The following CCND3 variants were observed in gnomAD, a reference collection of about 807,000 sequenced individuals.
CCND3 encodes G1/S-specific cyclin-D3.
Under a neutral mutation model 28.7 loss-of-function variants are expected in CCND3, and 9 were observed. The ratio of observed to expected loss-of-function variants is 0.31; its 90% CI spans 0.19 to 0.55. The LOEUF is 0.55. CCND3 is among the 20% of genes least tolerant of loss of function. The pLI is 0.93. For missense variants in CCND3, 315 were observed against 385.8 expected, an observed-to-expected ratio of 0.82 and a Z score of 1.54; for synonymous variants, 164 against 163.9, an observed-to-expected ratio of 1.00 and a Z score of 0.00.
chr6:41,940,960 A>G, intron 1 of CCND3: 1 of 1,612,708 alleles, frequency 6.2e-7, no homozygotes, highest in Non-Finnish European at 8.5e-7. Context: ...ACCCGAGGGG[A>G]AGGGAGGAGG....
rs144178642 is a variant in CCND3 at position 41,959,488 on chromosome 6, T to C, written c.-45-18903A>G. Reference sequence around the variant, plus strand: ...TCACAAGGTCAGGAGATTGAGACCATCCTGGCCAACATGGTGAAACCCCGT... The same window carrying C: ...TCACAAGGTCAGGAGATTGAGACCACCCTGGCCAACATGGTGAAACCCCGT... On this transcript the variant is annotated intron_variant, in intron 1 of 4. Coordinates refer to the CCND3 transcript ENST00000372988. 8.0e-5 allele frequency among the ~76,000 whole-genome samples: 12 copies of C among 150,750 alleles called. 1 individual carries two copies. The South Asian group carries it at 1.0e-3, about 13-fold the overall frequency.
At chr6:42,000,664 T>A (rs1341498807) in intron 1 of CCND3, among the ~76,000 whole-genome samples, 2 of 136,398 alleles carry the variant, frequency 1.5e-5, no homozygotes, top group Non-Finnish European at 3.1e-5. Context: ...GCCTCCCAGG[T>A]TCAAGCGATT....
intron 1 of CCND3, among the ~76,000 whole-genome samples, chr6:42,016,328 C>G (rs1351511958): frequency 6.6e-6 from 1 of 152,048 alleles, no homozygotes; most frequent in Non-Finnish European, 1.5e-5. Flanking sequence ...TATCTTTTGG[C>G]CAACATAAAA....
intron 1 of CCND3, among the ~76,000 whole-genome samples, chr6:41,950,808 A>G (rs1283199435): frequency 6.7e-6 from 1 of 148,958 alleles, no homozygotes; most frequent in Non-Finnish European, 1.5e-5. Context: ...TCCCAGGTTC[A>G]CGCCATTCTC....
chr6:41,940,961 A>G (rs775588769), intron 1 of CCND3: 3 of 1,612,674 alleles, frequency 1.9e-6, no homozygotes, highest in Non-Finnish European at 1.7e-6. Flanking sequence ...CCCGAGGGGA[A>G]GGGAGGAGGC....
At chr6:41,940,650 G>T in intron 1 of CCND3, 65 bp from the exon 2 acceptor site, 1 of 1,126,432 alleles carries the variant, frequency 8.9e-7, no homozygotes, top group East Asian at 2.4e-5. Context: ...GGGGGGGTGG[G>T]AGCGCTGAAG....
At chr6:41,947,967 T>C (rs1776211955) in intron 1 of CCND3, among the ~76,000 whole-genome samples, 1 of 152,092 alleles carries the variant, frequency 6.6e-6, no homozygotes, top group Non-Finnish European at 1.5e-5. Flanking sequence ...TCCCTCACTG[T>C]GCTCTGGCCA....
Position 42,048,307 on chromosome 6 carries a change from G to C in CCND3, c.-46+194C>G, listed in dbSNP as rs1764606865. ...TACATACAGAGGGCTCAGGGCCTTT[G>C]GGGGTTTCTCTGCCCTTCAATTCCG... On this transcript the variant is annotated intron_variant, in intron 1 of 4. Coordinates refer to the CCND3 transcript ENST00000372988. The surrounding 1 kb of genome is among the most constrained non-coding windows in gnomAD (Gnocchi z 4.7). The C allele has an allele frequency of 6.3e-6, 2 of 318,570 alleles. No individual in the cohort carries two copies. The highest frequency in any genetic ancestry group is 9.3e-5 in the Admixed American group (2 of 21,606). 19.7% of individuals were successfully genotyped at this position (318,570 alleles called of 1,614,324 possible).
Position 41,989,370 on chromosome 6 carries a change from G to A in CCND3, c.-45-48785C>T, listed in dbSNP as rs1191983288. 3.4e-5 allele frequency among the ~76,000 whole-genome samples: 5 copies of A among 146,664 alleles called. No individual in the cohort carries two copies. The South Asian group carries it at 8.6e-4, about 25-fold the overall frequency. ...CTCGGGAGACTGAGGCAGGAGAATC[G>A]CTTGAACCTGGGAGATGGAGGTTGC... On this transcript the variant is annotated intron_variant, in intron 1 of 4. Coordinates refer to the CCND3 transcript ENST00000372988.
intron 1 of CCND3, among the ~76,000 whole-genome samples, chr6:41,992,669 G>A (rs1350768984): frequency 1.3e-5 from 2 of 151,410 alleles, no homozygotes; most frequent in African/African-American, 2.4e-5. Context: ...GGCTGGTCTC[G>A]AACTCCTGAC....
chr6:41,965,259 G>A (rs1381866140), intron 1 of CCND3, among the ~76,000 whole-genome samples: 3 of 151,786 alleles, frequency 2.0e-5, no homozygotes, highest in East Asian at 1.9e-4. Context: ...TAGTAGAGAC[G>A]GGGTTTCACC....
chr6:41,949,635 T>A (rs1776255713), intron 1 of CCND3, among the ~76,000 whole-genome samples: 1 of 151,914 alleles, frequency 6.6e-6, no homozygotes, highest in Non-Finnish European at 1.5e-5. Context: ...CTATATTACT[T>A]GAGTTGAAAA....
intron 1 of CCND3, among the ~76,000 whole-genome samples, chr6:42,047,841 C>T (rs1209997938): frequency 2.0e-5 from 3 of 152,180 alleles, no homozygotes; most frequent in Non-Finnish European, 4.4e-5. Flanking sequence ...TCTCTGAAGC[C>T]TTCCCAGCCA....
At chr6:41,977,030 C>T (rs1762203763) in intron 1 of CCND3, among the ~76,000 whole-genome samples, 1 of 152,126 alleles carries the variant, frequency 6.6e-6, no homozygotes, top group Admixed American at 6.6e-5. Context: ...CATCTTTTAC[C>T]CACTCTCCTA....
intron 1 of CCND3, among the ~76,000 whole-genome samples, chr6:42,000,465 T>C (rs983946736): frequency 3.3e-5 from 5 of 151,070 alleles, no homozygotes; most frequent in African/African-American, 1.2e-4. Flanking sequence ...CCTGACCTCG[T>C]GATCCGCCTG....
In CCND3 at chr6:41,941,663, A is replaced by G; in HGVS notation, c.-14T>C. 1 of 1,419,712 alleles carries G rather than the reference A, an allele frequency of 7.0e-7. No homozygotes were observed. The highest frequency in any genetic ancestry group is 1.4e-5 in the South Asian group (1 of 69,502). 87.9% of individuals were successfully genotyped at this position (1,419,712 alleles called of 1,614,324 possible). ...CAGCAGCTCCATACTCGGGCAGCGA[A>G]CAGGCAGGGCGGGAGTGCGGGCTCG... On this transcript the variant is annotated 5_prime_UTR_variant, in exon 1 of 5. Coordinates refer to ENST00000372991, the MANE Select transcript of CCND3 (RefSeq NM_001760.5). The surrounding 1 kb of genome is among the most constrained non-coding windows in gnomAD (Gnocchi z 6.1).
At chr6:42,043,862 A>G (rs1764443466) in intron 1 of CCND3, among the ~76,000 whole-genome samples, 2 of 152,166 alleles carry the variant, frequency 1.3e-5, no homozygotes, top group Non-Finnish European at 2.9e-5. Context: ...CTCAGCCCTC[A>G]CCTCAGGAAC....
chr6:42,032,885 C>T (rs1161205725), intron 1 of CCND3, among the ~76,000 whole-genome samples: 1 of 152,192 alleles, frequency 6.6e-6, no homozygotes, highest in African/African-American at 2.4e-5. Context: ...CCTGGTTCTG[C>T]AGCTTTCCTA....
chr6:42,034,395 G>A (rs191312723), intron 1 of CCND3, among the ~76,000 whole-genome samples: 3,495 of 147,504 alleles, frequency 0.024, 143 homozygotes, highest in African/African-American at 0.081. Flanking sequence ...TGATCCACCC[G>A]CCCTGGCCTC....
Sources: allele counts gnomAD v4.1 joint callset (sites outside exome capture counted in the v4.1 genomes callset), GRCh38; gene constraint gnomAD v4.1.1; non-coding constraint Gnocchi (gnomAD v3.1); transcripts MANE v1.5; gene names NCBI Gene and HGNC (gene_info 2026-07-23, HGNC 2026-07-21).